The following LINGO2 variants were observed in gnomAD, a reference collection of about 807,000 sequenced individuals.
LINGO2 encodes leucine rich repeat and Ig domain containing 2, also known as leucine-rich repeat and immunoglobulin-like domain-containing nogo receptor-interacting protein 2.
In LINGO2, 14 loss-of-function variants were observed where a neutral mutation model predicts 30.6. The ratio of observed to expected loss-of-function variants is 0.46; its 90% CI spans 0.30 to 0.72. LINGO2 has a LOEUF of 0.72. Ranked by LOEUF, LINGO2 falls within the 30% of genes least tolerant of loss-of-function variation. The pLI is 0.07. For synonymous variants in LINGO2, 317 were observed against 288.5 expected (o/e 1.10, Z -1.00); for missense variants, 729 against 751.7 (o/e 0.97, Z 0.35).
At chr9:28,590,041 A>G (rs1388981065) in intron 1 of LINGO2, among the ~76,000 whole-genome samples, 1 of 152,156 alleles carries the variant, frequency 6.6e-6, no homozygotes, top group Admixed American at 6.6e-5. Flanking sequence ...CCTGAGAAAA[A>G]CAAGCAATGG....
chr9:28,885,358 T>TACACAC, the LINGO2 span, among the ~76,000 whole-genome samples: 42 of 142,172 alleles, frequency 3.0e-4, 1 homozygote, highest in Admixed American at 1.4e-3. Context: ...GATATATATA[T>TACACAC]ATACACACAC....
chr9:28,131,544 G>T (rs1827378507), intron 4 of LINGO2, among the ~76,000 whole-genome samples: 1 of 152,064 alleles, frequency 6.6e-6, no homozygotes, highest in Non-Finnish European at 1.5e-5. Context: ...ATATAATGGA[G>T]GGAAGAAGAA....
chr9:28,445,299 C>G (rs1824377722), intron 2 of LINGO2, among the ~76,000 whole-genome samples: 1 of 152,160 alleles, frequency 6.6e-6, no homozygotes, highest in South Asian at 2.1e-4. Context: ...TTGCCATGTT[C>G]CTCACATTGT....
At position 28,148,724 on chromosome 9, in the gene LINGO2, G is replaced by T; in HGVS notation, c.-86-136319C>A. ...AGTCGCCAGTTCACACAGCCCTGCT[G>T]GAGGCATCCTTCCCTTTGGGAAGCC... is the stretch of plus-strand genomic sequence containing the variant. On this transcript the variant is annotated intron_variant, in intron 4 of 5. Transcript: ENST00000379992. The surrounding 1 kb of genome is among the most constrained non-coding windows in gnomAD (Gnocchi z 5.1). The T allele has an allele frequency of 6.5e-7, 1 of 1,533,670 alleles. No individual in the cohort carries two copies. Among genetic ancestry groups the T allele is most frequent in the African/African-American group, 1.4e-5 (1 of 73,096 alleles).
chr9:28,406,823 T>C (rs1050073462), intron 2 of LINGO2, among the ~76,000 whole-genome samples: 1 of 152,218 alleles, frequency 6.6e-6, no homozygotes, highest in Non-Finnish European at 1.5e-5. Flanking sequence ...AAAGCTATTT[T>C]AATTCATTCT....
chr9:28,903,473 C>CCATT, the LINGO2 span, among the ~76,000 whole-genome samples: 3 of 152,198 alleles, frequency 2.0e-5, no homozygotes, highest in African/African-American at 7.2e-5. Context: ...ATTCATCCAT[C>CCATT]CATTCATTCA....
At chr9:29,194,982 C>A in the LINGO2 span, among the ~76,000 whole-genome samples, 1 of 152,138 alleles carries the variant, frequency 6.6e-6, no homozygotes, top group Non-Finnish European at 1.5e-5. Context: ...AGATACAGAA[C>A]AGCTCCAACA....
At chr9:28,942,178 C>CATAATTGGA in the LINGO2 span, among the ~76,000 whole-genome samples, 1 of 152,114 alleles carries the variant, frequency 6.6e-6, no homozygotes, top group Non-Finnish European at 1.5e-5. Context: ...ATTGGCAGAC[C>CATAATTGGA]ATAATTGGAA....
the LINGO2 span, among the ~76,000 whole-genome samples, chr9:29,028,193 C>T: frequency 6.6e-6 from 1 of 152,148 alleles, no homozygotes; most frequent in Non-Finnish European, 1.5e-5. Flanking sequence ...TTCTAGCTCT[C>T]ACAGTAACAT....
chr9:28,637,179 A>G (rs1255355747), intron 1 of LINGO2, among the ~76,000 whole-genome samples: 2 of 152,078 alleles, frequency 1.3e-5, no homozygotes, highest in African/African-American at 2.4e-5. Flanking sequence ...CCATTGGTCT[A>G]TATCTCTGTT....
At chr9:28,668,960 C>T (rs536878559) in intron 1 of LINGO2, among the ~76,000 whole-genome samples, 1 of 152,088 alleles carries the variant, frequency 6.6e-6, no homozygotes, top group South Asian at 2.1e-4. Context: ...AACCATATGC[C>T]TCATGGTGCA....
At chr9:27,967,423 C>CATGT (rs143644252) in intron 5 of LINGO2, among the ~76,000 whole-genome samples, 1 of 152,224 alleles carries the variant, frequency 6.6e-6, no homozygotes, top group African/African-American at 2.4e-5. Context: ...AGAACTCAGT[C>CATGT]ATGTGGGCAC....
chr9:28,050,307 G>A (rs1824613005), intron 4 of LINGO2, among the ~76,000 whole-genome samples: 1 of 150,668 alleles, frequency 6.6e-6, no homozygotes, highest in Non-Finnish European at 1.5e-5. Flanking sequence ...CATGCTGGTA[G>A]GGAAGACAAC....
intron 3 of LINGO2, among the ~76,000 whole-genome samples, chr9:28,306,030 T>G (rs1824337674): frequency 1.3e-5 from 2 of 152,134 alleles, no homozygotes. Context: ...GAGTTCTAAG[T>G]TGACCAGGCC....
chr9:28,779,498 T>C, the LINGO2 span, among the ~76,000 whole-genome samples: 2 of 152,134 alleles, frequency 1.3e-5, no homozygotes, highest in African/African-American at 2.4e-5. Flanking sequence ...TTTCATTCTG[T>C]TTTAAAATAT....
chr9:28,889,019 T>C, the LINGO2 span: 1 of 468,216 alleles, frequency 2.1e-6, no homozygotes, highest in Admixed American at 2.2e-5. Context: ...CCATTTCAAG[T>C]GAATACAGTA....
At chr9:29,033,677 G>A in the LINGO2 span, among the ~76,000 whole-genome samples, 7 of 151,786 alleles carry the variant, frequency 4.6e-5, no homozygotes, top group East Asian at 1.4e-3. Flanking sequence ...ACTTTCCTGA[G>A]TGGAGTTCTG....
chr9:29,043,420 CTT>C, the LINGO2 span, among the ~76,000 whole-genome samples: 17 of 152,022 alleles, frequency 1.1e-4, 1 homozygote, highest in Middle Eastern at 6.8e-3. Context: ...TTTTAAGAAT[CTT>C]ATAAAAATCG....
upstream of LINGO2, among the ~76,000 whole-genome samples, chr9:28,673,684 T>C (rs1194208950): frequency 1.3e-5 from 2 of 151,492 alleles, no homozygotes; most frequent in Non-Finnish European, 2.9e-5. Flanking sequence ...ATCATCATCA[T>C]CATCATCATC....
Sources: allele counts gnomAD v4.1 joint callset (sites outside exome capture counted in the v4.1 genomes callset), GRCh38; gene constraint gnomAD v4.1.1; non-coding constraint Gnocchi (gnomAD v3.1); transcripts MANE v1.5; gene names NCBI Gene and HGNC (gene_info 2026-07-23, HGNC 2026-07-21).